WDR27: variants seen among roughly 807,000 people sequenced by gnomAD.
WDR27 encodes WD repeat domain 27.
A neutral mutation model predicts 114.4 loss-of-function variants in WDR27; 100 were observed. The observed-to-expected ratio is 0.87, with a 90% CI of 0.74 to 1.03. The LOEUF is 1.03. Among genes scored for constraint, WDR27 ranks in the 50% least tolerant of loss-of-function variants. The pLI is 0.00. For synonymous variants in WDR27, 449 were observed against 423.1 expected, an observed-to-expected ratio of 1.06 and a Z score of -0.75; for missense variants, 1,129 against 1,092.9, an observed-to-expected ratio of 1.03 and a Z score of -0.47.
chr6:169,446,105 C>T, the WDR27 span, among the ~76,000 whole-genome samples: 15 of 152,274 alleles, frequency 9.9e-5, no homozygotes, highest in African/African-American at 1.4e-4. Context: ...ATCTGAGCTC[C>T]GGCCCGGACG....
rs754882643 is a variant in WDR27, at chr6:169,668,105, T to C, written c.537A>G (p.Thr179=). Residue 179 remains threonine (T), a synonymous_variant, in exon 5 of 26, where the codon ACA becomes ACG. Transcript: ENST00000448612. ...CCCGAACAGCCTGAGTCTGAGAGAA[T>C]GTGTGCAGGAAGGTCGGTGGTGGGA... is the stretch of plus-strand genomic sequence containing the variant. ...HKVPPPTFLH[T]FSQTQAVRAE... 6.8e-6 allele frequency: 11 copies of C among 1,613,884 alleles called. No homozygotes were observed. The highest frequency in any genetic ancestry group is 1.6e-4 in the Middle Eastern group (1 of 6,084).
intron 14 of WDR27, among the ~76,000 whole-genome samples, chr6:169,649,574 G>C (rs1288534039): frequency 1.3e-5 from 2 of 151,878 alleles, no homozygotes; most frequent in Non-Finnish European, 2.9e-5. Flanking sequence ...TGGCACTCAG[G>C]GCCACCAATG....
the WDR27 span, among the ~76,000 whole-genome samples, chr6:169,445,511 T>A: frequency 6.6e-6 from 1 of 152,192 alleles, no homozygotes; most frequent in African/African-American, 2.4e-5. Flanking sequence ...ATGGTGGTGT[T>A]GGGAGAACTG....
rs1259886626 is a variant in WDR27 at position 169,575,414 on chromosome 6, ATCC to A, written c.2524-2877_2524-2875del. 3.3e-4 allele frequency among the ~76,000 whole-genome samples: 29 copies of A among 87,592 alleles called. 1 individual carries two copies. In the East Asian group the frequency reaches 0.017, roughly 51 times the overall value. The allele number at this position is 87,592 out of a possible 152,430, so 57.5% of individuals were successfully genotyped here. On this transcript the variant is annotated intron_variant, in intron 24 of 25. Transcript: ENST00000448612. ...TCTCCATCCATCCATCCATCCATCC[ATCC>A]ATCCATCCACCCACCATCACCTACT...
the WDR27 span, among the ~76,000 whole-genome samples, chr6:169,447,941 T>C: frequency 6.6e-6 from 1 of 152,214 alleles, no homozygotes; most frequent in South Asian, 2.1e-4. Context: ...CCAAAAATGA[T>C]ACAACAGTAA....
At chr6:169,664,810 T>A in intron 7 of WDR27, 2 of 995,868 alleles carry the variant, frequency 2.0e-6, no homozygotes, top group Non-Finnish European at 2.4e-6. Context: ...TTCAGGTTTT[T>A]CAACAGTGTG....
chr6:169,510,547 C>T (rs1286416141), intron 25 of WDR27, among the ~76,000 whole-genome samples: 4 of 149,102 alleles, frequency 2.7e-5, no homozygotes, highest in Non-Finnish European at 4.4e-5. Context: ...AACCAAACAC[C>T]GCATGTTCTC....
chr6:169,532,164 C>T (rs1489655010), intron 25 of WDR27, among the ~76,000 whole-genome samples: 1 of 151,816 alleles, frequency 6.6e-6, no homozygotes, highest in Non-Finnish European at 1.5e-5. Context: ...GACATATAAC[C>T]TTCAATTTTT....
the WDR27 span, among the ~76,000 whole-genome samples, chr6:169,450,800 C>A: frequency 1.1e-4 from 17 of 152,144 alleles, no homozygotes; most frequent in African/African-American, 4.1e-4. Context: ...CTGCTAGGAT[C>A]AGCGGTTTGC....
intron 1 of WDR27, among the ~76,000 whole-genome samples, chr6:169,696,683 G>C (rs936264075): frequency 6.6e-6 from 1 of 152,234 alleles, no homozygotes; most frequent in Non-Finnish European, 1.5e-5. Context: ...GGGAGGCTGA[G>C]GCGGGTGGAT....
intron 25 of WDR27, among the ~76,000 whole-genome samples, chr6:169,554,319 T>C (rs1798578642): frequency 6.6e-6 from 1 of 151,990 alleles, no homozygotes; most frequent in Non-Finnish European, 1.5e-5. Flanking sequence ...AAGGGAAAGG[T>C]TGATGGTGAA....
rs764894042 is a variant in WDR27 at position 169,613,542 on chromosome 6, G to T, written c.2321+17C>A. ...GAGCTCCCCACCCCTGCAGTGCAGGGCGCAGGACAGCCTTACCTCAGGGTT... is the reference window on the plus strand; with the variant it reads ...GAGCTCCCCACCCCTGCAGTGCAGGTCGCAGGACAGCCTTACCTCAGGGTT... On this transcript the variant is annotated intron_variant, in intron 22 of 25. Coordinates refer to ENST00000448612, the MANE Select transcript of WDR27 (RefSeq NM_182552.5). 6.2e-5 allele frequency: 99 copies of T among 1,606,390 alleles called. No homozygotes were observed. In the East Asian group the frequency reaches 2.1e-3, roughly 33 times the overall value.
At chr6:169,669,346 T>TG (rs999456653) in intron 4 of WDR27, among the ~76,000 whole-genome samples, 14 of 152,120 alleles carry the variant, frequency 9.2e-5, no homozygotes, top group Admixed American at 2.6e-4. Flanking sequence ...TAAGGAAGCG[T>TG]GGGGAGGATC....
At chr6:169,582,389 T>G (rs893136127) in intron 24 of WDR27, among the ~76,000 whole-genome samples, 2 of 152,244 alleles carry the variant, frequency 1.3e-5, no homozygotes, top group Non-Finnish European at 2.9e-5. Flanking sequence ...TTCTTCTAAT[T>G]AAGAAAGTTT....
At chr6:169,631,593 C>A (rs1816389695) in intron 21 of WDR27, among the ~76,000 whole-genome samples, 1 of 152,138 alleles carries the variant, frequency 6.6e-6, no homozygotes, top group Admixed American at 6.5e-5. Context: ...CTGACTACCC[C>A]ACACTGCCAA....
At chr6:169,479,946 A>G (rs1787726748) in intron 25 of WDR27, among the ~76,000 whole-genome samples, 1 of 152,178 alleles carries the variant, frequency 6.6e-6, no homozygotes, top group Non-Finnish European at 1.5e-5. Context: ...ACACTTGAGG[A>G]GCCCTTCAGC....
intron 25 of WDR27, among the ~76,000 whole-genome samples, chr6:169,474,963 G>A (rs533502524): frequency 4.0e-4 from 61 of 152,274 alleles, no homozygotes; most frequent in African/African-American, 1.5e-3. Context: ...GGTACAACAA[G>A]TGTAGAGAAG....
chr6:169,549,176 A>G (rs998333210), intron 25 of WDR27, among the ~76,000 whole-genome samples: 2 of 152,244 alleles, frequency 1.3e-5, no homozygotes, highest in Admixed American at 1.3e-4. Flanking sequence ...GCTATCTAAT[A>G]TATACAAAAG....
intron 23 of WDR27, among the ~76,000 whole-genome samples, chr6:169,594,988 A>C (rs1285595264): frequency 2.6e-5 from 4 of 152,294 alleles, no homozygotes; most frequent in Admixed American, 2.6e-4. Context: ...CCTGGACCAC[A>C]TAGTGAAACC....
Sources: gnomAD v4.1 joint callset for allele counts (sites outside exome capture counted in the v4.1 genomes callset) on GRCh38, gnomAD v4.1.1 for gene constraint, MANE v1.5 for transcripts, NCBI Gene and HGNC (gene_info 2026-07-23, HGNC 2026-07-21) for gene names.